CAAP1: variants seen among roughly 807,000 people sequenced by gnomAD.
The protein encoded by CAAP1 is conserved anti-apoptotic protein.
In CAAP1, 20 loss-of-function variants were observed where a neutral mutation model predicts 34.0. That is an observed-to-expected ratio of 0.59 (90% confidence interval 0.41 to 0.86). The LOEUF is 0.86. Among genes scored for constraint, CAAP1 ranks in the 40% least tolerant of loss-of-function variants. The probability of loss-of-function intolerance (pLI) is 0.00; values close to 1 mark genes in which losing one functional copy is unlikely to be tolerated. For synonymous variants in CAAP1, 213 were observed against 166.7 expected, an observed-to-expected ratio of 1.28 and a Z score of -2.14; for missense variants, 538 against 450.5, an observed-to-expected ratio of 1.19 and a Z score of -1.76.
At position 26,842,458 on chromosome 9, in the gene CAAP1, T is replaced by G; in HGVS notation, c.929A>C (p.Glu310Ala). 1.2e-6 allele frequency: 2 copies of G among 1,614,186 alleles called. No homozygotes were observed. The highest frequency in any genetic ancestry group is 1.7e-6 in the Non-Finnish European group (2 of 1,180,032). Residue 310 changes from glutamate to alanine, a missense_variant, in exon 6 of 6, where the codon GAG becomes GCG. Around this residue, in one of 3 missense-constraint regions of CAAP1, gnomAD observed 514 missense variants for 408.4 expected, o/e 1.26. Transcript: ENST00000333916. ...TGCTTTGGGTTCGTTTGGGCTAGAC[T>G]CTGCCAGTCCTAGAATCTCATTCAC... ...KSVNEILGLA[E>A]SSPNEPKAAT...
At chr9:26,889,637 G>C in intron 1 of CAAP1, among the ~76,000 whole-genome samples, 1 of 151,170 alleles carries the variant, frequency 6.6e-6, no homozygotes, top group East Asian at 2.0e-4. Context: ...GGAGGCTGAG[G>C]GGGGCAGATA....
chr9:26,889,778 G>C (rs1823853290), intron 1 of CAAP1, among the ~76,000 whole-genome samples: 2 of 146,988 alleles, frequency 1.4e-5, no homozygotes, highest in African/African-American at 2.5e-5. Context: ...TGAGGCAGGA[G>C]AATGGCGTGA....
intron 4 of CAAP1, among the ~76,000 whole-genome samples, chr9:26,866,596 A>C (rs1410018739): frequency 6.6e-6 from 1 of 152,350 alleles, no homozygotes; most frequent in East Asian, 1.9e-4. Flanking sequence ...AACATTTCTG[A>C]ATAAGAGCAT....
chr9:26,874,233 A>T lies in CAAP1; in HGVS notation c.665+10577T>A, dbSNP rs889451985. Reference sequence around the variant, plus strand: ...AAAAAAAAAAAAAAAAAAAAAAAAAATTTTTTTTACAGATACCTACTGGTT... The same window carrying T: ...AAAAAAAAAAAAAAAAAAAAAAAAATTTTTTTTTACAGATACCTACTGGTT... On this transcript the variant is annotated intron_variant, in intron 4 of 5. Transcript: ENST00000333916. 1.1e-3 allele frequency among the ~76,000 whole-genome samples: 149 copies of T among 141,080 alleles called. 2 individuals carry two copies. Among genetic ancestry groups the T allele is most frequent in the East Asian group, 4.0e-3 (17 of 4,218 alleles). 92.6% of individuals were successfully genotyped at this position (141,080 alleles called of 152,430 possible). A position where few individuals can be genotyped will look rare whatever the true frequency, so the allele number is the denominator to read the frequency against.
chr9:26,862,500 A>G (rs1303732614), intron 4 of CAAP1, among the ~76,000 whole-genome samples: 3 of 152,170 alleles, frequency 2.0e-5, no homozygotes, highest in Non-Finnish European at 4.4e-5. Flanking sequence ...AAGACACAAC[A>G]TCATTTATAT....
intron 4 of CAAP1, among the ~76,000 whole-genome samples, chr9:26,879,064 T>G (rs1823520832): frequency 6.6e-6 from 1 of 152,212 alleles, no homozygotes; most frequent in Admixed American, 6.5e-5. Context: ...TTTGGAGAAA[T>G]GTACACTGAT....
chr9:26,844,887 G>A (rs1822561091), intron 5 of CAAP1, among the ~76,000 whole-genome samples: 1 of 152,118 alleles, frequency 6.6e-6, no homozygotes, highest in African/African-American at 2.4e-5. Context: ...TGTGTCTTAG[G>A]TTTGATGTTC....
chr9:26,846,015 G>T (rs971696269), intron 5 of CAAP1, among the ~76,000 whole-genome samples: 5 of 152,160 alleles, frequency 3.3e-5, no homozygotes, highest in Admixed American at 6.5e-5. Context: ...GAAAAGGAGG[G>T]AAAGGAGGAG....
At chr9:26,892,277 A>G (rs748334221) in intron 1 of CAAP1, 136 bp downstream of exon 1, 24 of 1,531,532 alleles carry the variant, frequency 1.6e-5, no homozygotes, top group Non-Finnish European at 2.1e-5. Context: ...AGGTAGGAAC[A>G]TGAACCTCAA....
chr9:26,863,531 T>C (rs1291490698), intron 4 of CAAP1, among the ~76,000 whole-genome samples: 2 of 152,092 alleles, frequency 1.3e-5, no homozygotes, highest in African/African-American at 4.8e-5. Context: ...TGTGTACAGG[T>C]CTTTTTATTT....
chr9:26,852,807 A>G (rs1363877318), intron 5 of CAAP1, among the ~76,000 whole-genome samples: 1 of 152,170 alleles, frequency 6.6e-6, no homozygotes, highest in Non-Finnish European at 1.5e-5. Flanking sequence ...TGGAAAAAAA[A>G]AAATTAGTAT....
intron 4 of CAAP1, among the ~76,000 whole-genome samples, chr9:26,875,769 C>G (rs1823413560): frequency 6.6e-6 from 1 of 151,884 alleles, no homozygotes; most frequent in Non-Finnish European, 1.5e-5. Flanking sequence ...TTTGCATGCC[C>G]AGGAAAGTTG....
intron 3 of CAAP1, among the ~76,000 whole-genome samples, chr9:26,885,127 T>C (rs1162663539): frequency 6.7e-6 from 1 of 148,946 alleles, no homozygotes; most frequent in Non-Finnish European, 1.5e-5. Flanking sequence ...CCCCGGCTGG[T>C]GTGCAGTGGC....
chr9:26,885,090 T>TG (rs1823700028), intron 3 of CAAP1, among the ~76,000 whole-genome samples: 1 of 149,848 alleles, frequency 6.7e-6, no homozygotes, highest in South Asian at 2.1e-4. Flanking sequence ...TTTTTTTTTT[T>TG]TTTTTAGACG....
intron 5 of CAAP1, among the ~76,000 whole-genome samples, chr9:26,844,668 C>A (rs1400460469): frequency 2.6e-5 from 4 of 152,134 alleles, no homozygotes; most frequent in Non-Finnish European, 1.5e-5. Context: ...TTAGAAGTGA[C>A]GTTGTGTACT....
rs1387878539 is a variant in CAAP1 at position 26,846,446 on chromosome 9, GAAAAAAA to G, written c.740-3806_740-3800del. The stretch of plus-strand genomic sequence containing the variant: ...AAAAAAAAAAAAAAAAAAAGAAGAA[GAAAAAAA>G]AGAAAAAAGAAAGACTTACACTTAT... On this transcript the variant is annotated intron_variant, in intron 5 of 5. Transcript: ENST00000333916. Among the ~76,000 whole-genome samples the G allele has an allele frequency of 4.5e-3, 609 of 135,864 alleles. 2 individuals carry two copies. The highest frequency in any genetic ancestry group is 0.016 in the African/African-American group (581 of 36,132). 89.1% of individuals were successfully genotyped at this position (135,864 alleles called of 152,430 possible). A position where few individuals can be genotyped will look rare whatever the true frequency, so the allele number is the denominator to read the frequency against.
At chr9:26,864,161 C>T (rs1218339709) in intron 4 of CAAP1, among the ~76,000 whole-genome samples, 2 of 152,146 alleles carry the variant, frequency 1.3e-5, no homozygotes. Flanking sequence ...GAGCCCTATA[C>T]TTATGACTGA....
At chr9:26,856,135 G>C (rs971246973) in intron 5 of CAAP1, among the ~76,000 whole-genome samples, 1 of 151,106 alleles carries the variant, frequency 6.6e-6, no homozygotes, top group African/African-American at 2.4e-5. Flanking sequence ...AAAAGGGGGG[G>C]GGTAGAATTT....
chr9:26,880,486 T>TC (rs1197035926), intron 4 of CAAP1: 4 of 185,614 alleles, frequency 2.2e-5, no homozygotes, highest in Admixed American at 5.8e-5. Context: ...GCCTTTGTAG[T>TC]CAGTTGCTTC....
Sources: gnomAD v4.1 joint callset for allele counts (sites outside exome capture counted in the v4.1 genomes callset) on GRCh38, gnomAD v4.1.1 for gene constraint, gnomAD v4.1.1 regional missense constraint, MANE v1.5 for transcripts, NCBI Gene and HGNC (gene_info 2026-07-23, HGNC 2026-07-21) for gene names.